The following CDH2 variants were observed in gnomAD, a reference collection of about 807,000 sequenced individuals.
CDH2 encodes cadherin-2.
In CDH2, 17 loss-of-function variants were observed where a neutral mutation model predicts 92.0. That is an observed-to-expected ratio of 0.18 (90% CI 0.13 to 0.28). CDH2 has a LOEUF of 0.28. CDH2 is among the 10% of genes least tolerant of loss of function. The probability of loss-of-function intolerance (pLI) is 1.00; values close to 1 mark genes in which losing one functional copy is unlikely to be tolerated. For synonymous variants in CDH2, 419 were observed against 415.9 expected, an observed-to-expected ratio of 1.01 and a Z score of -0.09; for missense variants, 862 against 1,133.1, an observed-to-expected ratio of 0.76 and a Z score of 3.44.
chr18:27,978,095 C>T (rs2011910641), intron 14 of CDH2, among the ~76,000 whole-genome samples: 1 of 152,178 alleles, frequency 6.6e-6, no homozygotes, highest in Non-Finnish European at 1.5e-5. Flanking sequence ...TTTCATACCG[C>T]TGAACTTCTC....
chr18:28,074,613 A>G (rs2014683199), intron 2 of CDH2, among the ~76,000 whole-genome samples: 1 of 151,570 alleles, frequency 6.6e-6, no homozygotes, highest in African/African-American at 2.4e-5. Context: ...CATATATTAT[A>G]GTAAAGGCTT....
chr18:27,987,901 C>A (rs749591179), intron 11 of CDH2, among the ~76,000 whole-genome samples: 17 of 152,116 alleles, frequency 1.1e-4, no homozygotes, highest in Admixed American at 7.9e-4. Context: ...AAACACACAT[C>A]GTACTGAGAG....
intron 10 of CDH2, among the ~76,000 whole-genome samples, chr18:27,989,530 A>C (rs2012341267): frequency 6.6e-6 from 1 of 152,168 alleles, no homozygotes; most frequent in Non-Finnish European, 1.5e-5. Flanking sequence ...AATGATCATC[A>C]CCAGCTTTGG....
chr18:28,053,675 G>A (rs542724944), intron 2 of CDH2, among the ~76,000 whole-genome samples: 3 of 152,256 alleles, frequency 2.0e-5, no homozygotes, highest in Admixed American at 6.5e-5. Context: ...CCCAGAGTTC[G>A]TTCTGGTTCT....
intron 1 of CDH2, among the ~76,000 whole-genome samples, chr18:28,166,165 T>TATATATATATATAC (rs1287861366): frequency 2.2e-5 from 3 of 138,096 alleles, no homozygotes; most frequent in Admixed American, 7.2e-5. Flanking sequence ...TATATATATA[T>TATATATATATATAC]ATATATATGT....
chr18:28,070,887 T>TA (rs1335384890), intron 2 of CDH2, among the ~76,000 whole-genome samples: 2 of 152,136 alleles, frequency 1.3e-5, no homozygotes, highest in Non-Finnish European at 2.9e-5. Flanking sequence ...CGATTTTACT[T>TA]ATTTATTATT....
chr18:28,080,257 A>C lies in CDH2; in HGVS notation c.173-66348T>G, dbSNP rs377565967. ...ATCCAACACAAGCCCGAAGCCTCAC[A>C]GCAATGATCTGAAAACCACGAATAA... On this transcript the variant is annotated intron_variant, in intron 2 of 15. Coordinates refer to ENST00000269141, the MANE Select transcript of CDH2 (RefSeq NM_001792.5). Among the ~76,000 whole-genome samples, 33 of 152,346 alleles carry C rather than the reference A, an allele frequency of 2.2e-4. No individual in the cohort carries two copies. In the East Asian group the frequency reaches 4.8e-3, roughly 22 times the overall value.
chr18:27,998,556 G>A lies in CDH2; in HGVS notation c.1020+4441C>T, dbSNP rs112868512. Among the ~76,000 whole-genome samples the A allele has an allele frequency of 2.1e-3, 313 of 152,262 alleles. 4 individuals are homozygous for A. Among genetic ancestry groups the A allele is most frequent in the African/African-American group, 7.1e-3 (296 of 41,548 alleles). ...CATGCAGCATGTGCACAGGTCAAGC[G>A]GGGGAAGCAGGTGGAAAGCCGGACT... On this transcript the variant is annotated intron_variant, in intron 7 of 15. Transcript: ENST00000269141.
intron 2 of CDH2, among the ~76,000 whole-genome samples, chr18:28,072,416 C>A (rs1201364385): frequency 6.6e-6 from 1 of 152,150 alleles, no homozygotes; most frequent in Non-Finnish European, 1.5e-5. Context: ...TCCCCTTCGA[C>A]AGGCCTACTC....
At chr18:28,154,850 C>A (rs991666172) in intron 1 of CDH2, among the ~76,000 whole-genome samples, 1 of 152,162 alleles carries the variant, frequency 6.6e-6, no homozygotes, top group East Asian at 1.9e-4. Context: ...AAAAATTTCA[C>A]CTCTGAAAGC....
At chr18:27,999,470 A>G (rs953205327) in intron 7 of CDH2, among the ~76,000 whole-genome samples, 5 of 152,118 alleles carry the variant, frequency 3.3e-5, no homozygotes, top group Non-Finnish European at 5.9e-5. Flanking sequence ...TTGAAGGCAC[A>G]AACAGAAAGA....
chr18:28,104,570 A>G (rs2015289679), intron 2 of CDH2, among the ~76,000 whole-genome samples: 1 of 151,524 alleles, frequency 6.6e-6, no homozygotes, highest in African/African-American at 2.4e-5. Flanking sequence ...AAGTGTAAGT[A>G]AAATTATCTT....
At chr18:28,056,301 T>C (rs2014291635) in intron 2 of CDH2, among the ~76,000 whole-genome samples, 1 of 152,166 alleles carries the variant, frequency 6.6e-6, no homozygotes, top group African/African-American at 2.4e-5. Flanking sequence ...CTATCAAAAC[T>C]ACACTGATGC....
intron 2 of CDH2, among the ~76,000 whole-genome samples, chr18:28,050,868 T>C (rs1046602938): frequency 2.0e-5 from 3 of 152,212 alleles, no homozygotes; most frequent in Non-Finnish European, 4.4e-5. Context: ...AGAAGATTCT[T>C]TTTAAAAAGC....
rs570823279 is a variant in CDH2, at chr18:28,164,870, T to C, written c.60+12093A>G. ...TTCCTTCCCCTAATTATAAAGACAG[T>C]GGAATTATATCAGCCTAGATAACAT... On this transcript the variant is annotated intron_variant, in intron 1 of 15. Coordinates refer to ENST00000269141, the MANE Select transcript of CDH2 (RefSeq NM_001792.5). Among the ~76,000 whole-genome samples the C allele has an allele frequency of 1.4e-4, 21 of 152,308 alleles. No homozygotes were observed. The South Asian group carries it at 3.9e-3, about 29-fold the overall frequency.
At chr18:28,100,312 C>T (rs1358748487) in intron 2 of CDH2, among the ~76,000 whole-genome samples, 1 of 152,224 alleles carries the variant, frequency 6.6e-6, no homozygotes, top group African/African-American at 2.4e-5. Context: ...AGACCCTATT[C>T]TGAGTAAGAG....
At chr18:28,107,446 C>A (rs2015340499) in intron 2 of CDH2, among the ~76,000 whole-genome samples, 1 of 151,838 alleles carries the variant, frequency 6.6e-6, no homozygotes, top group Non-Finnish European at 1.5e-5. Context: ...AAACTGTATA[C>A]CTGAGGACAC....
At chr18:27,963,570 G>A (rs772642707) in intron 14 of CDH2, 49 bp from the exon 15 acceptor site, 2 of 1,562,596 alleles carry the variant, frequency 1.3e-6, no homozygotes, top group Admixed American at 1.7e-5. Context: ...CACAAAGATA[G>A]AAAATTACAA....
intron 2 of CDH2, among the ~76,000 whole-genome samples, chr18:28,064,238 T>A (rs8092981): frequency 0.051 from 7,685 of 151,864 alleles, 673 homozygotes; most frequent in African/African-American, 0.18. Flanking sequence ...CCCTGGGGAG[T>A]GGGAAATTTT....
Sources: gnomAD v4.1 joint callset for allele counts (sites outside exome capture counted in the v4.1 genomes callset) on GRCh38, gnomAD v4.1.1 for gene constraint, MANE v1.5 for transcripts, NCBI Gene and HGNC (gene_info 2026-07-23, HGNC 2026-07-21) for gene names.